The following BRPF3 variants were observed in gnomAD, a reference collection of about 807,000 sequenced individuals.
BRPF3 encodes the protein bromodomain and PHD finger-containing protein 3.
BRPF3 carries 18 observed loss-of-function variants against 102.0 expected under a neutral mutation model. The ratio of observed to expected loss-of-function variants is 0.18; its 90% CI spans 0.12 to 0.26. The LOEUF (loss-of-function observed/expected upper bound fraction) is 0.26, where lower values mean the gene tolerates loss of function less well. BRPF3 is among the 10% of genes least tolerant of loss of function. The pLI is 1.00. For synonymous variants in BRPF3, 570 were observed against 614.2 expected (o/e 0.93, Z 1.06); for missense variants, 1,147 against 1,567.8 (o/e 0.73, Z 4.53).
In BRPF3 at chr6:36,222,208, C is replaced by A; in HGVS notation, c.3124C>A (p.Leu1042Met). The change falls in exon 10 of 13, where the codon CTG (leucine) becomes ATG (methionine). Residue 1042 changes from leucine (L) to methionine (M), a missense_variant. Transcript: ENST00000357641. ...CAAACGCAGCCGTGGGAAGCCAGCC[C>A]TGTCTCGAGTGCCCTTCCTGGAAGG... ...PPKRSRGKPA[L>M]SRVPFLEGVN... is the part of the protein sequence containing the mutation. 6.4e-7 allele frequency: 1 copy of A among 1,550,622 alleles called. No individual in the cohort carries two copies. The highest frequency in any genetic ancestry group is 8.7e-7 in the Non-Finnish European group (1 of 1,147,258).
In BRPF3 at chr6:36,206,552, G is replaced by A. The variant is rs374691105; in HGVS notation, c.1606-761G>A. Among the ~76,000 whole-genome samples the A allele has an allele frequency of 2.4e-4, 37 of 152,210 alleles. No homozygotes were observed. The South Asian group carries it at 6.4e-3, about 27-fold the overall frequency. ...ATAGTTCTCCAGCATCTCTGTTCTG[G>A]CCAGCCTGTTTCACTTACTAAGCAA... is the stretch of plus-strand genomic sequence containing the variant. On this transcript the variant is annotated intron_variant, in intron 3 of 12. Transcript: ENST00000357641.
Position 36,201,197 on chromosome 6 carries a change from G to T in BRPF3, c.875G>T (p.Cys292Phe). The T allele has an allele frequency of 6.2e-7, 1 of 1,614,180 alleles. No homozygotes were observed. Among genetic ancestry groups the T allele is most frequent in the Non-Finnish European group, 8.5e-7 (1 of 1,180,038 alleles). The change falls in exon 2 of 13, where the codon TGT becomes TTT. Residue 292 changes from cysteine (C) to phenylalanine (F), a missense_variant. By Grantham distance (205) the Cys-to-Phe change is radical (BLOSUM62 -2). This residue lies in a region of BRPF3 where 44 missense variants were observed against 101.4 expected (regional missense o/e 0.43). Transcript: ENST00000357641. The surrounding 1 kb of genome is among the most constrained non-coding windows in gnomAD (Gnocchi z 5.1). ...GATGGGCACTGGGCCCATGTGGTGTGTGCCATCTGGATCCCTGAAGTCTGC... is the reference window on the plus strand; with the variant it reads ...GATGGGCACTGGGCCCATGTGGTGTTTGCCATCTGGATCCCTGAAGTCTGC... ...TSDGHWAHVVCAIWIPEVCFA... is the reference protein window; with the variant it reads ...TSDGHWAHVVFAIWIPEVCFA...
rs761072575 is a variant in BRPF3, at chr6:36,211,343, G to A, written c.2265G>A (p.Val755=). 18 of 1,614,134 alleles carry A rather than the reference G, an allele frequency of 1.1e-5. No individual in the cohort carries two copies. Among genetic ancestry groups the A allele is most frequent in the Non-Finnish European group, 1.5e-5 (18 of 1,180,052 alleles). Residue 755 remains valine (V), a synonymous_variant, in exon 7 of 13, where the codon GTG becomes GTA. Transcript: ENST00000357641. ...AGCTGCTGGAGAAACTGGACCTGGTGAGCGCCATGCGGTCCAGTGGGGCCC... is the reference window on the plus strand; with the variant it reads ...AGCTGCTGGAGAAACTGGACCTGGTAAGCGCCATGCGGTCCAGTGGGGCCC... ...LKELLEKLDL[V]SAMRSSGART...
intron 8 of BRPF3, among the ~76,000 whole-genome samples, chr6:36,215,591 A>G (rs574226017): frequency 6.6e-6 from 1 of 152,342 alleles, no homozygotes; most frequent in East Asian, 1.9e-4. Flanking sequence ...GGTGAGAGGT[A>G]GCATTGCTAG....
In BRPF3 at chr6:36,210,957, C is replaced by T. The variant is rs563298820; in HGVS notation, c.2180-301C>T. 1.8e-4 allele frequency among the ~76,000 whole-genome samples: 27 copies of T among 152,182 alleles called. No homozygotes were observed. The highest frequency in any genetic ancestry group is 2.7e-4 in the African/African-American group (11 of 41,444). ...CTGCCTGTCCCTGCTCTCTGCTTCT[C>T]GATGGCAGCAGCCAGTCACTCAGGC... On this transcript the variant is annotated intron_variant, in intron 6 of 12. Coordinates refer to ENST00000357641, the MANE Select transcript of BRPF3 (RefSeq NM_015695.3). This position sits in a 1 kb window ranked among gnomAD's most constrained non-coding sequence, Gnocchi z 4.7.
At chr6:36,226,426 C>G (rs981080244) in intron 11 of BRPF3, among the ~76,000 whole-genome samples, 3 of 152,192 alleles carry the variant, frequency 2.0e-5, no homozygotes, top group Non-Finnish European at 4.4e-5. Context: ...ACCACTGATA[C>G]TAAACCTTTG....
rs748148054 is a variant in BRPF3 at position 36,201,724 on chromosome 6, C to A, written c.1402C>A (p.Pro468Thr). ...KEPEEAGQDT[P>T]STLPMLAVPQ... ...GCCAGAGGAAGCAGGCCAAGACACA[C>A]CCTCCACTCTCCCCATGCTTGCTGT... The change falls in exon 2 of 13, where the codon CCC (proline) becomes ACC (threonine). Residue 468 changes from proline to threonine, a missense_variant. By Grantham distance (38) the Pro-to-Thr change is conservative. Around this residue, in one of 11 missense-constraint regions of BRPF3, gnomAD observed 157 missense variants for 163.6 expected, o/e 0.96. Transcript: ENST00000357641. The surrounding 1 kb of genome is among the most constrained non-coding windows in gnomAD (Gnocchi z 5.1). 2.5e-5 allele frequency: 40 copies of A among 1,613,002 alleles called. No homozygotes were observed. The South Asian group carries it at 3.3e-4, about 13-fold the overall frequency.
chr6:36,199,209 C>G (rs1170642267), intron 1 of BRPF3, among the ~76,000 whole-genome samples: 1 of 152,206 alleles, frequency 6.6e-6, no homozygotes, highest in East Asian at 1.9e-4. Flanking sequence ...TGCCTCCTGT[C>G]AGATCAGCGG....
intron 1 of BRPF3, 41 bp downstream of exon 1, chr6:36,197,011 G>A (rs1767514680): frequency 6.6e-6 from 1 of 151,850 alleles, no homozygotes; most frequent in African/African-American, 2.4e-5. Flanking sequence ...GCGGGGGCGG[G>A]GGCATCGGGG....
chr6:36,216,911 A>G (rs184333240), intron 8 of BRPF3, among the ~76,000 whole-genome samples: 4 of 152,144 alleles, frequency 2.6e-5, no homozygotes, highest in African/African-American at 9.7e-5. Context: ...GGGCTCATTC[A>G]TGCCTGTGGT....
rs774027017 is a variant in BRPF3 at position 36,213,901 on chromosome 6, C to T, written c.2504C>T (p.Pro835Leu). 2.4e-5 allele frequency: 38 copies of T among 1,604,768 alleles called. No individual in the cohort carries two copies. Among genetic ancestry groups the T allele is most frequent in the Non-Finnish European group, 2.6e-5 (31 of 1,174,872 alleles). The change falls in exon 8 of 13, where the codon CCG (proline) becomes CTG (leucine). Residue 835 changes from proline (P) to leucine (L), a missense_variant. By Grantham distance (98) the Pro-to-Leu change is moderately conservative (BLOSUM62 -3). Coordinates refer to ENST00000357641, the MANE Select transcript of BRPF3 (RefSeq NM_015695.3). ...ATAGATGACTCCAAACTGCCTCCTC[C>T]GCCAACCCTGGAGCCCACTGGGCCT... ...GDRDDSKLPP[P>L]PTLEPTGPAP...
intron 10 of BRPF3, among the ~76,000 whole-genome samples, chr6:36,223,477 G>C (rs1413550826): frequency 6.6e-6 from 1 of 152,120 alleles, no homozygotes; most frequent in African/African-American, 2.4e-5. Context: ...TACGCCAAAG[G>C]ATATTGACCT....
At chr6:36,213,752 G>T in intron 7 of BRPF3, 128 bp from the exon 8 acceptor site, 6 of 887,326 alleles carry the variant, frequency 6.8e-6, no homozygotes, top group Non-Finnish European at 1.0e-5. Context: ...TCAGATCTAA[G>T]ACCTTGAATG....
chr6:36,225,349 C>G lies in BRPF3; in HGVS notation c.3264C>G (p.Pro1088=). 1 of 1,610,380 alleles carries G rather than the reference C, an allele frequency of 6.2e-7. No homozygotes were observed. ...ELVWAKCRGY[P]SYPALIIDPK... ...TGTGGGCCAAGTGCCGAGGCTACCC[C>G]TCCTACCCTGCCTTGGTGAGTCTGC... Residue 1088 remains proline, a synonymous_variant, in exon 11 of 13, where the codon CCC becomes CCG. Transcript: ENST00000357641.
chr6:36,215,544 G>A (rs1243363474), intron 8 of BRPF3, among the ~76,000 whole-genome samples: 1 of 152,250 alleles, frequency 6.6e-6, no homozygotes, highest in African/African-American at 2.4e-5. Context: ...AAAATGTAGA[G>A]AAATCACAGT....
chr6:36,201,958 T>G lies in BRPF3; in HGVS notation c.1448+188T>G, dbSNP rs2127276014. Among the ~76,000 whole-genome samples, 1 of 152,364 alleles carries G rather than the reference T, an allele frequency of 6.6e-6. No homozygotes were observed. The highest frequency in any genetic ancestry group is 2.1e-4 in the South Asian group (1 of 4,830). Reference sequence around the variant, plus strand: ...TTGATTTTGCCCTCAGAGTAATGTATTTCCTTTAGTTCAAAGTGAAATAAA... The same window carrying G: ...TTGATTTTGCCCTCAGAGTAATGTAGTTCCTTTAGTTCAAAGTGAAATAAA... On this transcript the variant is annotated intron_variant, in intron 2 of 12. Coordinates refer to ENST00000357641, the MANE Select transcript of BRPF3 (RefSeq NM_015695.3). The surrounding 1 kb of genome is among the most constrained non-coding windows in gnomAD (Gnocchi z 5.1).
At position 36,231,002 on chromosome 6, in the gene BRPF3, A is replaced by G. The variant is rs1022190065; in HGVS notation, c.*393A>G. ...ACCTCAGGGCGGGTGAGGTTCCGACACTGATCCCAGAGATGCCGTGGATAC... is the reference window on the plus strand; with the variant it reads ...ACCTCAGGGCGGGTGAGGTTCCGACGCTGATCCCAGAGATGCCGTGGATAC... On this transcript the variant is annotated 3_prime_UTR_variant, in exon 13 of 13. Coordinates refer to ENST00000357641, the MANE Select transcript of BRPF3 (RefSeq NM_015695.3). 4 of 181,720 alleles carry G rather than the reference A, an allele frequency of 2.2e-5. No homozygotes were observed. The highest frequency in any genetic ancestry group is 1.8e-4 in the Admixed American group (3 of 16,934). The allele number at this position is 181,720 out of a possible 1,614,324, so 11.3% of individuals were successfully genotyped here. A position where few individuals can be genotyped will look rare whatever the true frequency, so the allele number is the denominator to read the frequency against.
At chr6:36,203,554 T>G (rs1767794961) in intron 2 of BRPF3, among the ~76,000 whole-genome samples, 1 of 152,172 alleles carries the variant, frequency 6.6e-6, no homozygotes. Flanking sequence ...AGAGGCCTAG[T>G]TCTTGATTTT....
At position 36,200,321 on chromosome 6, in the gene BRPF3, C is replaced by A; in HGVS notation, c.-2C>A. 1 of 1,611,780 alleles carries A rather than the reference C, an allele frequency of 6.2e-7. No individual in the cohort carries two copies. Among genetic ancestry groups the A allele is most frequent in the Non-Finnish European group, 8.5e-7 (1 of 1,178,674 alleles). The stretch of plus-strand genomic sequence containing the variant: ...GGCCTGTCCCCTCAGTTCCCAGGTG[C>A]CATGAGGAAGCCTCGTCGGAAGTCC... On this transcript the variant is annotated 5_prime_UTR_variant, in exon 2 of 13. Coordinates refer to ENST00000357641, the MANE Select transcript of BRPF3 (RefSeq NM_015695.3). This position sits in a 1 kb window ranked among gnomAD's most constrained non-coding sequence, Gnocchi z 5.3.
Sources: gnomAD v4.1 joint callset for allele counts (sites outside exome capture counted in the v4.1 genomes callset) on GRCh38, gnomAD v4.1.1 for gene constraint, gnomAD v4.1.1 regional missense constraint, Gnocchi (gnomAD v3.1) non-coding constraint, MANE v1.5 for transcripts, NCBI Gene and HGNC (gene_info 2026-07-23, HGNC 2026-07-21) for gene names.